The following SCP2 variants were observed in gnomAD, a reference collection of about 807,000 sequenced individuals.
The protein encoded by SCP2 is sterol carrier protein 2.
SCP2 carries 48 observed loss-of-function variants against 71.4 expected under a neutral mutation model. That is an observed-to-expected ratio of 0.67 (90% CI 0.53 to 0.86). The LOEUF (loss-of-function observed/expected upper bound fraction) is 0.86, where lower values mean the gene tolerates loss of function less well. Ranked by LOEUF, SCP2 falls within the 40% of genes least tolerant of loss-of-function variation. SCP2 has a pLI of 0.00. For missense variants in SCP2, 560 were observed against 655.6 expected, an observed-to-expected ratio of 0.85 and a Z score of 1.59; for synonymous variants, 220 against 218.1, an observed-to-expected ratio of 1.01 and a Z score of -0.08.
chr1:53,047,335 A>G (rs116221956), intron 14 of SCP2, among the ~76,000 whole-genome samples: 1,985 of 152,344 alleles, frequency 0.013, 19 homozygotes, highest in Non-Finnish European at 0.022. Context: ...TCTGTTAGCT[A>G]GAAGCAAGTC....
chr1:52,967,990 C>T (rs767073402), intron 6 of SCP2, among the ~76,000 whole-genome samples: 32 of 152,166 alleles, frequency 2.1e-4, no homozygotes, highest in Non-Finnish European at 4.3e-4. Context: ...TATACTGAGT[C>T]AGTCACGACC....
At chr1:53,020,911 C>T (rs1351017633) in intron 12 of SCP2, among the ~76,000 whole-genome samples, 1 of 152,134 alleles carries the variant, frequency 6.6e-6, no homozygotes, top group Non-Finnish European at 1.5e-5. Context: ...CGTCTCCAGT[C>T]AGAACAAACT....
intron 11 of SCP2, among the ~76,000 whole-genome samples, chr1:52,998,167 T>G (rs1572164727): frequency 1.3e-5 from 2 of 152,348 alleles, no homozygotes; most frequent in South Asian, 4.1e-4. Context: ...TTGAATTGTT[T>G]CCTGTTTAGG....
intron 11 of SCP2, chr1:52,995,907 C>A (rs562788564): frequency 2.9e-5 from 43 of 1,488,634 alleles, no homozygotes; most frequent in East Asian, 1.2e-4. Flanking sequence ...ATGGATGAGA[C>A]GAGAGTTCAA....
chr1:53,036,201 TAAAC>T (rs1027100143), intron 13 of SCP2, among the ~76,000 whole-genome samples: 4 of 150,494 alleles, frequency 2.7e-5, no homozygotes, highest in African/African-American at 9.7e-5. Flanking sequence ...ATAATTATAT[TAAAC>T]AAAAAAAGTA....
intron 6 of SCP2, among the ~76,000 whole-genome samples, chr1:52,962,102 C>G (rs1450823796): frequency 6.6e-6 from 1 of 152,060 alleles, no homozygotes; most frequent in East Asian, 1.9e-4. Context: ...GGCTTTTTGC[C>G]ATGTTGCCCA....
At chr1:52,988,750 A>G (rs1321808445) in intron 11 of SCP2, among the ~76,000 whole-genome samples, 1 of 150,612 alleles carries the variant, frequency 6.6e-6, no homozygotes, top group Non-Finnish European at 1.5e-5. Context: ...AAGTGGCACA[A>G]TTTCGGCTCA....
At chr1:53,036,792 AT>A (rs138759094) in intron 13 of SCP2, among the ~76,000 whole-genome samples, 5,693 of 151,686 alleles carry the variant, frequency 0.038, 226 homozygotes, top group East Asian at 0.21. Flanking sequence ...TACAAAACCC[AT>A]TTTTTTTCTC....
At chr1:52,929,415 A>G (rs531712018) in intron 1 of SCP2, among the ~76,000 whole-genome samples, 14 of 151,946 alleles carry the variant, frequency 9.2e-5, no homozygotes, top group African/African-American at 3.1e-4. Flanking sequence ...TCTCATTTCT[A>G]CCATATATTA....
In SCP2 at chr1:52,976,770, G is replaced by C. The variant is rs772582281; in HGVS notation, c.674+1G>C. ...ATTTTTTGACTATCTTACAATGTTG[G>C]TAAGAAAAATATATTTTAACATTTA... On this transcript the variant is annotated splice_donor_variant, in intron 8 of 15. Transcript: ENST00000371514. LOFTEE classifies it high-confidence loss of function. 2.2e-6 allele frequency: 3 copies of C among 1,372,746 alleles called. No homozygotes were observed. Among genetic ancestry groups the C allele is most frequent in the East Asian group, 4.6e-5 (2 of 43,666 alleles). 85.0% of individuals were successfully genotyped at this position (1,372,746 alleles called of 1,614,324 possible).
Position 52,978,225 on chromosome 1 carries a change from C to T in SCP2, c.683C>T (p.Ser228Leu). 1.2e-6 allele frequency: 2 copies of T among 1,613,766 alleles called. No individual in the cohort carries two copies. Among genetic ancestry groups the T allele is most frequent in the Non-Finnish European group, 1.7e-6 (2 of 1,179,970 alleles). Residue 228 changes from serine (S) to leucine (L), a missense_variant, in exon 9 of 16, where the codon TCA becomes TTA. Coordinates refer to ENST00000371514, the MANE Select transcript of SCP2 (RefSeq NM_002979.5). ...TTTTTACTTCCTCTTAGTCCCACTT[C>T]AGATGGTGCTGCAGCAGCAATTTTG... The part of the protein sequence containing the change: ...FLTILQCCPT[S>L]DGAAAAILAS...
At chr1:52,936,155 A>G (rs1653724243) in intron 1 of SCP2, among the ~76,000 whole-genome samples, 1 of 152,244 alleles carries the variant, frequency 6.6e-6, no homozygotes, top group Admixed American at 6.5e-5. Context: ...TTTGGAAAAT[A>G]CAATTATTTT....
intron 3 of SCP2, 70 bp downstream of exon 3, chr1:52,948,150 A>C: frequency 1.1e-6 from 1 of 942,698 alleles, no homozygotes; most frequent in South Asian, 1.3e-5. Context: ...AACAATGCGG[A>C]GGCATTTGTG....
At chr1:52,988,301 C>T (rs894718700) in intron 11 of SCP2, among the ~76,000 whole-genome samples, 165 bp downstream of exon 11, 1 of 152,262 alleles carries the variant, frequency 6.6e-6, no homozygotes, top group Non-Finnish European at 1.5e-5. Flanking sequence ...AAGTAGAGCA[C>T]ACTTAAATAA....
At chr1:52,973,525 C>T (rs1052030935) in intron 6 of SCP2, among the ~76,000 whole-genome samples, 5 of 152,166 alleles carry the variant, frequency 3.3e-5, no homozygotes, top group Admixed American at 6.5e-5. Context: ...AAAGATAACA[C>T]ATAATTTGAC....
At chr1:52,986,856 C>T (rs913417182) in intron 10 of SCP2, among the ~76,000 whole-genome samples, 1 of 151,746 alleles carries the variant, frequency 6.6e-6, no homozygotes, top group Non-Finnish European at 1.5e-5. Context: ...AACCTATGCA[C>T]ACCCTCCTGT....
intron 11 of SCP2, chr1:52,996,155 C>T (rs558992753): frequency 1.2e-5 from 5 of 405,878 alleles, no homozygotes; most frequent in South Asian, 1.3e-4. Flanking sequence ...GTGCTTAGCA[C>T]GTAGTAGGCA....
chr1:53,020,033 C>T (rs1317725932), intron 12 of SCP2, among the ~76,000 whole-genome samples: 2 of 152,072 alleles, frequency 1.3e-5, no homozygotes, highest in Admixed American at 6.6e-5. Flanking sequence ...ATTACAGGTG[C>T]ATGCCACCAT....
intron 2 of SCP2, chr1:52,943,906 C>T (rs754261009): frequency 3.0e-5 from 13 of 430,382 alleles, no homozygotes; most frequent in Non-Finnish European, 5.6e-5. Context: ...TGGTTCATTT[C>T]GGGCAGTCAG....
Sources: allele counts gnomAD v4.1 joint callset (sites outside exome capture counted in the v4.1 genomes callset), GRCh38; gene constraint gnomAD v4.1.1; transcripts MANE v1.5; gene names NCBI Gene and HGNC (gene_info 2026-07-23, HGNC 2026-07-21).